The following LRP1B variants were observed in gnomAD, a reference collection of about 807,000 sequenced individuals.
LRP1B encodes LDL receptor related protein 1B.
Under a neutral mutation model 556.6 loss-of-function variants are expected in LRP1B, and 217 were observed. That is an observed-to-expected ratio of 0.39 (90% CI 0.35 to 0.44). The LOEUF (loss-of-function observed/expected upper bound fraction) is 0.44, where lower values mean the gene tolerates loss of function less well. Among genes scored for constraint, LRP1B ranks in the 20% least tolerant of loss-of-function variants. The probability of loss-of-function intolerance (pLI) is 1.00; values close to 1 mark genes in which losing one functional copy is unlikely to be tolerated. For synonymous variants in LRP1B, 2,047 were observed against 1,865.8 expected (o/e 1.10, Z -2.50); for missense variants, 5,053 against 5,620.8 (o/e 0.90, Z 3.23).
At chr2:141,991,750 CAAAGCCT>C (rs1702351473) in intron 1 of LRP1B, among the ~76,000 whole-genome samples, 1 of 152,026 alleles carries the variant, frequency 6.6e-6, no homozygotes, top group Non-Finnish European at 1.5e-5. Flanking sequence ...TGATTGACTG[CAAAGCCT>C]GTAGTTTTCA....
chr2:140,345,644 G>A (rs13032352), intron 77 of LRP1B, among the ~76,000 whole-genome samples: 2 of 146,028 alleles, frequency 1.4e-5, no homozygotes, highest in East Asian at 2.0e-4. Context: ...GTGTATGTAT[G>A]TATATATGTG....
intron 41 of LRP1B, among the ~76,000 whole-genome samples, chr2:140,615,237 T>G (rs569957880): frequency 6.6e-6 from 1 of 152,210 alleles, no homozygotes; most frequent in East Asian, 1.9e-4. Context: ...ACAACTAGTC[T>G]TGCAATCTCA....
At chr2:141,840,290 A>T in intron 1 of LRP1B, among the ~76,000 whole-genome samples, 1 of 133,658 alleles carries the variant, frequency 7.5e-6, no homozygotes. Flanking sequence ...TTGAGACGGA[A>T]TCTCGCTCTG....
intron 43 of LRP1B, among the ~76,000 whole-genome samples, chr2:140,580,553 C>G (rs1479628094): frequency 6.6e-6 from 1 of 152,146 alleles, no homozygotes; most frequent in Non-Finnish European, 1.5e-5. Flanking sequence ...AGGGGTGTAA[C>G]AGCCTATTAA....
chr2:141,102,713 G>T (rs1700497627), intron 7 of LRP1B, among the ~76,000 whole-genome samples: 1 of 152,060 alleles, frequency 6.6e-6, no homozygotes, highest in African/African-American at 2.4e-5. Context: ...GTTAATCCAA[G>T]AATGCTTTTA....
intron 53 of LRP1B, among the ~76,000 whole-genome samples, chr2:140,503,755 A>G (rs959835893): frequency 6.6e-6 from 1 of 152,206 alleles, no homozygotes; most frequent in Non-Finnish European, 1.5e-5. Context: ...TTGTTTTATA[A>G]GAATTTTTTC....
chr2:140,906,167 C>CT lies in LRP1B; in HGVS notation c.3520+1709dup, dbSNP rs1195092701. ...AATGCTGCAATCATGACAAAATTGTCTTTTTATTTTCTCTGGTACTTCCAC... is the reference window on the plus strand; with the variant it reads ...AATGCTGCAATCATGACAAAATTGTCTTTTTTATTTTCTCTGGTACTTCCAC... On this transcript the variant is annotated intron_variant, in intron 22 of 90. Transcript: ENST00000389484. 2.0e-5 allele frequency among the ~76,000 whole-genome samples: 3 copies of CT among 152,174 alleles called. No homozygotes were observed. In the East Asian group the frequency reaches 5.8e-4, roughly 29 times the overall value.
At chr2:140,553,924 T>A (rs1680637382) in intron 43 of LRP1B, among the ~76,000 whole-genome samples, 1 of 152,006 alleles carries the variant, frequency 6.6e-6, no homozygotes, top group Non-Finnish European at 1.5e-5. Context: ...CCCTTTCTAA[T>A]CTATTTATCT....
intron 2 of LRP1B, among the ~76,000 whole-genome samples, chr2:141,794,194 T>A (rs1695725018): frequency 6.6e-6 from 1 of 151,938 alleles, no homozygotes. Context: ...GTTTTGACTT[T>A]GATAGAAGTC....
intron 1 of LRP1B, among the ~76,000 whole-genome samples, chr2:141,946,120 C>T: frequency 6.6e-6 from 1 of 151,956 alleles, no homozygotes. Flanking sequence ...TGCCCCACAG[C>T]CTAGTATTTT....
intron 43 of LRP1B, among the ~76,000 whole-genome samples, chr2:140,562,483 T>C (rs1031306748): frequency 7.2e-5 from 11 of 152,284 alleles, no homozygotes; most frequent in African/African-American, 2.6e-4. Context: ...GAGGGGGTGT[T>C]TGGCAAACAA....
chr2:141,010,635 C>T (rs1049442476), intron 14 of LRP1B, among the ~76,000 whole-genome samples: 1 of 152,010 alleles, frequency 6.6e-6, no homozygotes, highest in African/African-American at 2.4e-5. Context: ...CTGCCTCAGC[C>T]TCCCGAGTAG....
chr2:140,334,609 C>T lies in LRP1B; in HGVS notation c.12117-50G>A, dbSNP rs369269626. The stretch of plus-strand genomic sequence containing the variant: ...TAGCCTGGTGATGGTGCTGCTATAA[C>T]CAGACTCTGCTCCGCAAAGCAGTGG... On this transcript the variant is annotated intron_variant, in intron 78 of 90. Coordinates refer to ENST00000389484, the MANE Select transcript of LRP1B (RefSeq NM_018557.3). 259 of 1,011,162 alleles carry T rather than the reference C, an allele frequency of 2.6e-4. 2 individuals carry two copies. The highest frequency in any genetic ancestry group is 2.2e-3 in the South Asian group (136 of 61,176). The allele number at this position is 1,011,162 out of a possible 1,614,324, so 62.6% of individuals were successfully genotyped here.
chr2:140,398,290 G>A (rs1376330530), intron 66 of LRP1B, among the ~76,000 whole-genome samples: 1 of 151,904 alleles, frequency 6.6e-6, no homozygotes, highest in Non-Finnish European at 1.5e-5. Context: ...AAAAACCCAA[G>A]GAAAGGGGAG....
At chr2:141,521,752 T>C (rs1235002330) in intron 2 of LRP1B, among the ~76,000 whole-genome samples, 2 of 151,988 alleles carry the variant, frequency 1.3e-5, no homozygotes, top group Non-Finnish European at 2.9e-5. Flanking sequence ...ATTAATAATA[T>C]CTTTATTTGT....
At position 141,248,461 on chromosome 2, in the gene LRP1B, T is replaced by C. The variant is rs573168583; in HGVS notation, c.464-1107A>G. Among the ~76,000 whole-genome samples the C allele has an allele frequency of 2.6e-5, 4 of 152,240 alleles. No homozygotes were observed. In the South Asian group the frequency reaches 8.3e-4, roughly 32 times the overall value. On this transcript the variant is annotated intron_variant, in intron 4 of 90. Coordinates refer to ENST00000389484, the MANE Select transcript of LRP1B (RefSeq NM_018557.3). ...AGGGGAATCTTAAGTGAAGACTTCG[T>C]ATTAAACAGTGTGAAGCGTGATCTG...
In LRP1B at chr2:142,115,981, C is replaced by A. The variant is rs1308166916; in HGVS notation, c.82+14667G>T. 6.3e-5 allele frequency among the ~76,000 whole-genome samples: 9 copies of A among 142,190 alleles called. No individual in the cohort carries two copies. In the Admixed American group the frequency reaches 6.8e-4, roughly 11 times the overall value. 93.3% of individuals were successfully genotyped at this position (142,190 alleles called of 152,430 possible). A position where few individuals can be genotyped will look rare whatever the true frequency, so the allele number is the denominator to read the frequency against. On this transcript the variant is annotated intron_variant, in intron 1 of 90. Coordinates refer to ENST00000389484, the MANE Select transcript of LRP1B (RefSeq NM_018557.3). ...CCTGTAATCCCAGCACTTTGGGAGGCCAAGGCGGGTGAATCATTTGAGGTC... is the reference window on the plus strand; with the variant it reads ...CCTGTAATCCCAGCACTTTGGGAGGACAAGGCGGGTGAATCATTTGAGGTC...
At chr2:140,796,743 G>T (rs1690329541) in intron 32 of LRP1B, among the ~76,000 whole-genome samples, 1 of 152,008 alleles carries the variant, frequency 6.6e-6, no homozygotes, top group South Asian at 2.1e-4. Flanking sequence ...TTTGAAAGCA[G>T]AATCACCTAA....
chr2:142,101,951 G>T (rs896864636), intron 1 of LRP1B, among the ~76,000 whole-genome samples: 2 of 151,928 alleles, frequency 1.3e-5, no homozygotes, highest in African/African-American at 2.4e-5. Flanking sequence ...TATGGAGAGA[G>T]AAAACTTACA....
Sources: gnomAD v4.1 joint callset for allele counts (sites outside exome capture counted in the v4.1 genomes callset) on GRCh38, gnomAD v4.1.1 for gene constraint, MANE v1.5 for transcripts, NCBI Gene and HGNC (gene_info 2026-07-23, HGNC 2026-07-21) for gene names.